Variants in GSE1 observed in about 807,000 individuals in gnomAD.
The protein encoded by GSE1 is Gse1 coiled-coil protein.
A neutral mutation model predicts 112.6 loss-of-function variants in GSE1; 32 were observed. That is an observed-to-expected ratio of 0.28 (90% CI 0.21 to 0.38). The LOEUF is 0.38. Among genes scored for constraint, GSE1 ranks in the 10% least tolerant of loss-of-function variants. The pLI, the probability that GSE1 is intolerant of heterozygous loss-of-function variation, is 1.00. For missense variants in GSE1, 2,348 were observed against 1,699.2 expected (o/e 1.38, Z -6.71); for synonymous variants, 1,115 against 735.6 (o/e 1.52, Z -8.35).
intron 1 of GSE1, among the ~76,000 whole-genome samples, chr16:85,625,106 T>G (rs2048981134): frequency 6.6e-6 from 1 of 152,092 alleles, no homozygotes; most frequent in Non-Finnish European, 1.5e-5. Flanking sequence ...CCCCGCCCTC[T>G]CCCTTGGTCT....
intron 2 of GSE1, among the ~76,000 whole-genome samples, chr16:85,455,539 G>C (rs927905700): frequency 6.6e-6 from 1 of 152,164 alleles, no homozygotes; most frequent in African/African-American, 2.4e-5. Context: ...GGTTTATAGC[G>C]GCTACCCAGG....
chr16:85,345,811 C>T (rs930912664), intron 1 of GSE1, among the ~76,000 whole-genome samples: 2 of 152,210 alleles, frequency 1.3e-5, no homozygotes, highest in African/African-American at 4.8e-5. Flanking sequence ...GAGCCTAGCA[C>T]ATAGTTGGTA....
intron 1 of GSE1, among the ~76,000 whole-genome samples, chr16:85,269,177 G>A (rs190795928): frequency 6.7e-6 from 1 of 149,406 alleles, no homozygotes; most frequent in Admixed American, 6.7e-5. Context: ...ATCTAATATG[G>A]AGAGATGAAA....
chr16:85,665,576 G>A (rs540386151), intron 12 of GSE1, among the ~76,000 whole-genome samples: 4 of 139,920 alleles, frequency 2.9e-5, no homozygotes, highest in South Asian at 5.4e-4. Context: ...GGCACCTGCC[G>A]CCACACCTTT....
rs564005642 is a variant in GSE1 at position 85,264,815 on chromosome 16, C to T, written c.2284-92648C>T. 4.6e-5 allele frequency among the ~76,000 whole-genome samples: 7 copies of T among 152,222 alleles called. 1 individual carries two copies. The East Asian group carries it at 7.7e-4, about 17-fold the overall frequency. ...CAGGTGTGTGTAGAGTGTGGGTAAC[C>T]AGGACCGGGAGGGGTGAGGGGGTTG... On this transcript the variant is annotated intron_variant, in intron 1 of 2. Transcript: ENST00000637419.
chr16:85,264,652 C>T (rs771677088), intron 1 of GSE1, among the ~76,000 whole-genome samples: 2 of 152,152 alleles, frequency 1.3e-5, no homozygotes, highest in African/African-American at 2.4e-5. Flanking sequence ...TGGACGGCGT[C>T]GGGTGGGCAG....
rs1282421984 is a variant in GSE1, at chr16:85,657,559, C to T, written c.1595C>T (p.Pro532Leu). Reference sequence around the variant, plus strand: ...GAGCAGCACCTGGATATGGGCCGGCCCCCGGTGCCGGCGGAGGCAGAGCAC... The same window carrying T: ...GAGCAGCACCTGGATATGGGCCGGCTCCCGGTGCCGGCGGAGGCAGAGCAC... ...VLEQHLDMGR[P>L]PVPAEAEHRP... The change falls in exon 8 of 16, where the codon CCC becomes CTC. Residue 532 changes from proline (P) to leucine (L), a missense_variant. Transcript: ENST00000253458. 1 of 1,579,278 alleles carries T rather than the reference C, an allele frequency of 6.3e-7. No homozygotes were observed. The highest frequency in any genetic ancestry group is 1.8e-5 in the Admixed American group (1 of 55,956).
intron 2 of GSE1, among the ~76,000 whole-genome samples, chr16:85,642,659 G>A (rs914190625): frequency 2.0e-5 from 3 of 152,264 alleles, no homozygotes; most frequent in African/African-American, 4.8e-5. Flanking sequence ...TCACAAAGAC[G>A]TTCCAGGGAC....
intron 2 of GSE1, among the ~76,000 whole-genome samples, chr16:85,458,057 G>C (rs1485416911): frequency 6.6e-6 from 1 of 152,214 alleles, no homozygotes; most frequent in African/African-American, 2.4e-5. Context: ...CTGTCTTCTA[G>C]TGAGGTGCTC....
chr16:85,558,265 C>G (rs1227192301), intron 1 of GSE1, among the ~76,000 whole-genome samples: 2 of 152,218 alleles, frequency 1.3e-5, no homozygotes, highest in Non-Finnish European at 2.9e-5. Context: ...TGTCTCCCCC[C>G]GGGTCTGTGG....
At chr16:85,500,113 C>T (rs942496502) in intron 2 of GSE1, among the ~76,000 whole-genome samples, 4 of 152,188 alleles carry the variant, frequency 2.6e-5, no homozygotes, top group African/African-American at 4.8e-5. Context: ...AATATTAGGG[C>T]CCCCTCCATA....
At chr16:85,664,365 G>T (rs2052666767) in intron 11 of GSE1, among the ~76,000 whole-genome samples, 1 of 152,174 alleles carries the variant, frequency 6.6e-6, no homozygotes, top group Non-Finnish European at 1.5e-5. Context: ...TGTTGATCAG[G>T]GTGTAGCCGT....
At chr16:85,641,044 C>T (rs2050402617) in intron 2 of GSE1, among the ~76,000 whole-genome samples, 1 of 152,234 alleles carries the variant, frequency 6.6e-6, no homozygotes, top group Non-Finnish European at 1.5e-5. Context: ...CAGTACTTGG[C>T]GTGTCAGCCT....
chr16:85,498,579 A>C (rs559513401), intron 2 of GSE1, among the ~76,000 whole-genome samples: 1 of 152,124 alleles, frequency 6.6e-6, no homozygotes, highest in African/African-American at 2.4e-5. Context: ...TGCATACCTT[A>C]CATATATATA....
chr16:85,384,978 C>T (rs2047654822), intron 2 of GSE1, among the ~76,000 whole-genome samples: 1 of 152,282 alleles, frequency 6.6e-6, no homozygotes, highest in African/African-American at 2.4e-5. Context: ...TGCACACCTG[C>T]CCCGCCCGCC....
At chr16:85,525,216 CT>C (rs1405462371) in intron 2 of GSE1, among the ~76,000 whole-genome samples, 1 of 152,034 alleles carries the variant, frequency 6.6e-6, no homozygotes, top group Non-Finnish European at 1.5e-5. Flanking sequence ...GCAGCTGCCC[CT>C]CTGCCTGCAG....
intron 1 of GSE1, among the ~76,000 whole-genome samples, chr16:85,346,666 T>C (rs533057410): frequency 6.7e-6 from 1 of 148,806 alleles, no homozygotes; most frequent in South Asian, 2.1e-4. Context: ...GGATGGATGA[T>C]GGATGGATGA....
At chr16:85,246,304 G>A (rs1223073855) in intron 1 of GSE1, among the ~76,000 whole-genome samples, 1 of 47,440 alleles carries the variant, frequency 2.1e-5, no homozygotes, top group African/African-American at 9.8e-5. Flanking sequence ...CACCCCACAC[G>A]CTGTCTACAC....
At chr16:85,433,223 T>C (rs1315128545) in intron 2 of GSE1, among the ~76,000 whole-genome samples, 4 of 152,074 alleles carry the variant, frequency 2.6e-5, no homozygotes, top group Non-Finnish European at 5.9e-5. Flanking sequence ...TTGGTTTACA[T>C]TGTCATTTTC....
Sources: gnomAD v4.1 joint callset for allele counts (sites outside exome capture counted in the v4.1 genomes callset) on GRCh38, gnomAD v4.1.1 for gene constraint, MANE v1.5 for transcripts, NCBI Gene and HGNC (gene_info 2026-07-23, HGNC 2026-07-21) for gene names.